The following ECPAS variants were observed in gnomAD, a reference collection of about 807,000 sequenced individuals.
The protein encoded by ECPAS is proteasome adapter and scaffold protein ECM29.
A neutral mutation model predicts 255.1 loss-of-function variants in ECPAS; 70 were observed. That is an observed-to-expected ratio of 0.27 (90% CI 0.23 to 0.33). The LOEUF is 0.33. ECPAS is among the 10% of genes least tolerant of loss of function. The pLI, the probability that ECPAS is intolerant of heterozygous loss-of-function variation, is 1.00. For synonymous variants in ECPAS, 784 were observed against 775.0 expected (o/e 1.01, Z -0.19); for missense variants, 1,817 against 2,206.4 (o/e 0.82, Z 3.54).
intron 3 of ECPAS, among the ~76,000 whole-genome samples, chr9:111,446,579 A>C (rs1356873599): frequency 6.6e-6 from 1 of 151,616 alleles, no homozygotes; most frequent in Non-Finnish European, 1.5e-5. Context: ...CAACTCTGTA[A>C]TCAATGTTTG....
At chr9:111,414,801 T>A (rs1381132117) in intron 18 of ECPAS, 150 bp from the exon 19 acceptor site, 1 of 611,702 alleles carries the variant, frequency 1.6e-6, no homozygotes, top group Non-Finnish European at 2.6e-6. Flanking sequence ...AAATATGCCA[T>A]AATGGAGCAA....
At chr9:111,447,246 A>G (rs2131938842) in intron 3 of ECPAS, among the ~76,000 whole-genome samples, 1 of 152,024 alleles carries the variant, frequency 6.6e-6, no homozygotes, top group East Asian at 1.9e-4. Flanking sequence ...TATCTCAGTC[A>G]CTGCAGTAGC....
At position 111,451,533 on chromosome 9, in the gene ECPAS, TA is replaced by T; in HGVS notation, c.44del (p.Leu15TyrfsTer38). ...CATCTGTTTCAGCATGGCCAAGTCGTAAAAAGACCCGTTCAAGCTGATCTAT... is the reference window on the plus strand; with the variant it reads ...CATCTGTTTCAGCATGGCCAAGTCGTAAAAGACCCGTTCAAGCTGATCTAT... ...DCRDQLERVF[L>X]RLGHAETDEQ... On this transcript the variant is annotated frameshift_variant, in exon 3 of 50. Transcript: ENST00000684092. LOFTEE classifies it high-confidence loss of function. 1 of 1,574,638 alleles carries T rather than the reference TA, an allele frequency of 6.4e-7. No homozygotes were observed.
At chr9:111,398,373 A>G (rs1017378787) in intron 24 of ECPAS, among the ~76,000 whole-genome samples, 4 of 152,216 alleles carry the variant, frequency 2.6e-5, no homozygotes, top group Non-Finnish European at 5.9e-5. Context: ...TAATAACAAC[A>G]CAGCTGGCAT....
intron 2 of ECPAS, among the ~76,000 whole-genome samples, chr9:111,470,746 C>CCCCACACACA (rs1321088778): frequency 1.6e-5 from 2 of 124,584 alleles, no homozygotes; most frequent in Non-Finnish European, 3.3e-5. Context: ...TCTCCTCCCG[C>CCCCACACACA]CACACACACA....
chr9:111,384,482 C>T (rs1223006584), intron 34 of ECPAS, 40 bp downstream of exon 34: 8 of 1,571,484 alleles, frequency 5.1e-6, no homozygotes, highest in Non-Finnish European at 5.3e-6. Flanking sequence ...CACCCAGAAC[C>T]CTGCTCCACT....
At chr9:111,461,905 C>T (rs2098273639) in intron 2 of ECPAS, among the ~76,000 whole-genome samples, 1 of 152,136 alleles carries the variant, frequency 6.6e-6, no homozygotes, top group South Asian at 2.1e-4. Context: ...GGCAAACTCC[C>T]GTTTCTGAAA....
intron 2 of ECPAS, among the ~76,000 whole-genome samples, chr9:111,465,780 T>C (rs2132043753): frequency 1.3e-5 from 2 of 152,190 alleles, no homozygotes; most frequent in East Asian, 3.9e-4. Context: ...ACTCCTGTAA[T>C]CCCAGCACTC....
At chr9:111,427,951 C>T in intron 10 of ECPAS, 91 bp downstream of exon 10, 1 of 1,085,986 alleles carries the variant, frequency 9.2e-7, no homozygotes, top group South Asian at 2.0e-5. Flanking sequence ...ATCAACCTAC[C>T]CACTGAATAT....
Position 111,472,908 on chromosome 9 carries a change from A to G in ECPAS, c.11T>C (p.Ile4Thr), listed in dbSNP as rs1203123283. Residue 4 changes from isoleucine to threonine, a missense_variant, in exon 2 of 50, where the codon ATT becomes ACT. Physicochemically the swap from Ile to Thr is moderately conservative, Grantham distance 89. Around this residue, in one of 4 missense-constraint regions of ECPAS, gnomAD observed 90 missense variants for 158.5 expected, o/e 0.57. Coordinates refer to ENST00000684092, the MANE Select transcript of ECPAS (RefSeq NM_001364929.1). ...CTAAATCTACTAACCTCTACAATCA[A>G]TGTGATACATGGTTTATCCAATCTT... MYH[I>T]DCRDQLERVF... 6.5e-6 allele frequency: 8 copies of G among 1,235,118 alleles called. No homozygotes were observed. In the African/African-American group the frequency reaches 8.0e-5, roughly 12 times the overall value. 76.5% of individuals were successfully genotyped at this position (1,235,118 alleles called of 1,614,324 possible). A position where few individuals can be genotyped will look rare whatever the true frequency, so the allele number is the denominator to read the frequency against.
At chr9:111,424,324 C>A (rs2098218416) in intron 12 of ECPAS, among the ~76,000 whole-genome samples, 1 of 152,126 alleles carries the variant, frequency 6.6e-6, no homozygotes, top group East Asian at 1.9e-4. Flanking sequence ...TCTAATCAAG[C>A]AGTATTATTT....
At chr9:111,480,374 T>A (rs1365054715) in intron 1 of ECPAS, among the ~76,000 whole-genome samples, 1 of 144,250 alleles carries the variant, frequency 6.9e-6, no homozygotes, top group Non-Finnish European at 1.5e-5. Context: ...CTTGGCTCAC[T>A]GGAACTTCCA....
intron 2 of ECPAS, among the ~76,000 whole-genome samples, chr9:111,469,569 G>A (rs781251166): frequency 3.3e-5 from 5 of 152,004 alleles, no homozygotes; most frequent in South Asian, 2.1e-4. Flanking sequence ...CCAGCACTTC[G>A]GGAGGCCGAG....
intron 1 of ECPAS, among the ~76,000 whole-genome samples, chr9:111,476,307 T>G (rs555879888): frequency 1.3e-5 from 2 of 152,268 alleles, no homozygotes; most frequent in South Asian, 4.1e-4. Context: ...CTCAACCCAC[T>G]CCTGAAATAT....
intron 18 of ECPAS, among the ~76,000 whole-genome samples, chr9:111,415,229 G>A (rs182347391): frequency 1.5e-3 from 130 of 86,028 alleles, no homozygotes; most frequent in Middle Eastern, 0.011. Context: ...TTTAAAAGCC[G>A]TGTGTGTGTG....
Position 111,404,128 on chromosome 9 carries a change from T to A in ECPAS, c.2652+4443A>T, listed in dbSNP as rs1020341222. On this transcript the variant is annotated intron_variant, in intron 24 of 49. Coordinates refer to ENST00000684092, the MANE Select transcript of ECPAS (RefSeq NM_001364929.1). ...AGCAAAAGCAGTGCTAAGTGGGAAT[T>A]TTATAGTAATAAAAGTACAAAGTAC... Among the ~76,000 whole-genome samples, 13 of 149,694 alleles carry A rather than the reference T, an allele frequency of 8.7e-5. 2 individuals are homozygous for A. The highest frequency in any genetic ancestry group is 3.3e-4 in the African/African-American group (13 of 39,432).
At chr9:111,443,951 C>T (rs2098249416) in intron 4 of ECPAS, among the ~76,000 whole-genome samples, 1 of 152,158 alleles carries the variant, frequency 6.6e-6, no homozygotes, top group African/African-American at 2.4e-5. Context: ...ACATCAAAAA[C>T]ACAAAAGATT....
intron 25 of ECPAS, 76 bp from the exon 26 acceptor site, chr9:111,394,381 C>A: frequency 7.7e-7 from 1 of 1,305,346 alleles, no homozygotes. Context: ...AAATTCAAAT[C>A]AACATTTACT....
intron 2 of ECPAS, among the ~76,000 whole-genome samples, chr9:111,464,208 A>T (rs2098276494): frequency 6.6e-6 from 1 of 151,418 alleles, no homozygotes; most frequent in South Asian, 2.1e-4. Context: ...TGAGGTAGTC[A>T]GATCGCTTGA....
Sources: gnomAD v4.1 joint callset for allele counts (sites outside exome capture counted in the v4.1 genomes callset) on GRCh38, gnomAD v4.1.1 for gene constraint, gnomAD v4.1.1 regional missense constraint, MANE v1.5 for transcripts, NCBI Gene and HGNC (gene_info 2026-07-23, HGNC 2026-07-21) for gene names.